Variants in LNX1 observed in about 807,000 individuals in gnomAD.
The protein encoded by LNX1 is ligand of numb-protein X 1.
A neutral mutation model predicts 68.4 loss-of-function variants in LNX1; 54 were observed. The observed-to-expected ratio is 0.79, with a 90% confidence interval of 0.63 to 0.99. The LOEUF is 0.99. Ranked by LOEUF, LNX1 falls within the 50% of genes least tolerant of loss-of-function variation. LNX1 has a pLI of 0.00. For synonymous variants in LNX1, 336 were observed against 350.0 expected (o/e 0.96, Z 0.45); for missense variants, 906 against 926.4 (o/e 0.98, Z 0.29).
chr4:53,515,694 T>G (rs1459155442), intron 2 of LNX1, among the ~76,000 whole-genome samples: 1 of 151,976 alleles, frequency 6.6e-6, no homozygotes, highest in African/African-American at 2.4e-5. Context: ...CTACAGTGGG[T>G]TTTTAATCAT....
At chr4:53,473,858 C>T (rs531961734) in intron 9 of LNX1, among the ~76,000 whole-genome samples, 2 of 152,030 alleles carry the variant, frequency 1.3e-5, no homozygotes, top group East Asian at 1.9e-4. Context: ...GAAAAGGATC[C>T]GAGAACACTA....
chr4:53,631,733 A>T (rs974908742), intron 1 of LNX1, among the ~76,000 whole-genome samples: 1 of 152,172 alleles, frequency 6.6e-6, no homozygotes, highest in Non-Finnish European at 1.5e-5. Context: ...TCTAATATGT[A>T]GGCCCAAAGT....
At chr4:53,559,032 C>T (rs1283602180) in intron 2 of LNX1, among the ~76,000 whole-genome samples, 1 of 152,170 alleles carries the variant, frequency 6.6e-6, no homozygotes, top group Non-Finnish European at 1.5e-5. Flanking sequence ...TTCCATTTTG[C>T]CAACTCAAGA....
At chr4:53,613,879 G>A (rs568284138) in intron 2 of LNX1, among the ~76,000 whole-genome samples, 14 of 152,280 alleles carry the variant, frequency 9.2e-5, no homozygotes, top group Non-Finnish European at 1.3e-4. Flanking sequence ...TTGAGCAATC[G>A]CCACACTGTC....
intron 4 of LNX1, among the ~76,000 whole-genome samples, chr4:53,506,488 T>C (rs1725877579): frequency 6.6e-6 from 1 of 152,144 alleles, no homozygotes; most frequent in Admixed American, 6.5e-5. Context: ...TTACCTGGAT[T>C]CAAAGTTTAG....
At chr4:53,472,150 T>C (rs1040669151) in intron 9 of LNX1, among the ~76,000 whole-genome samples, 2 of 152,292 alleles carry the variant, frequency 1.3e-5, no homozygotes, top group Admixed American at 6.5e-5. Flanking sequence ...TGGAATACTA[T>C]GTAGCCATAA....
intron 2 of LNX1, among the ~76,000 whole-genome samples, chr4:53,613,069 A>G (rs978741898): frequency 6.7e-6 from 1 of 149,816 alleles, no homozygotes; most frequent in Non-Finnish European, 1.5e-5. Context: ...CCATGAGTAA[A>G]AATAGGAAAG....
intron 1 of LNX1, among the ~76,000 whole-genome samples, chr4:53,632,259 T>TC (rs1734307614): frequency 1.3e-5 from 2 of 152,288 alleles, no homozygotes; most frequent in African/African-American, 4.8e-5. Flanking sequence ...GTACTTTCTC[T>TC]TCTGGGCTCC....
chr4:53,513,773 T>A (rs1177913232), intron 2 of LNX1, among the ~76,000 whole-genome samples: 2 of 152,226 alleles, frequency 1.3e-5, no homozygotes, highest in Non-Finnish European at 2.9e-5. Context: ...AGAGGAGTCT[T>A]GCTTCCATAC....
chr4:53,461,607 T>TAATC lies in LNX1; in HGVS notation c.1893-18_1893-15dup, dbSNP rs1560605285. 2.5e-6 allele frequency: 4 copies of TAATC among 1,598,722 alleles called. No individual in the cohort carries two copies. The highest frequency in any genetic ancestry group is 3.4e-5 in the Admixed American group (2 of 59,122). ...TTATACAAGCACCTGAAATAGAATG[T>TAATC]AATCAGTGTACATGCATATTTAAGT... On this transcript the variant is annotated splice_polypyrimidine_tract_variant and intron_variant, in intron 9 of 10. Coordinates refer to ENST00000263925, the MANE Select transcript of LNX1 (RefSeq NM_001126328.3).
At chr4:53,576,585 C>T (rs138328090) in intron 1 of LNX1, among the ~76,000 whole-genome samples, 1 of 152,072 alleles carries the variant, frequency 6.6e-6, no homozygotes, top group East Asian at 1.9e-4. Context: ...ACAGAGCTGA[C>T]ATTCTAGTGG....
intron 6 of LNX1, among the ~76,000 whole-genome samples, chr4:53,486,017 T>C (rs1437713401): frequency 6.6e-6 from 1 of 152,194 alleles, no homozygotes; most frequent in Non-Finnish European, 1.5e-5. Context: ...CAATGGTGGC[T>C]ACCTTAATTA....
At chr4:53,640,924 G>A (rs527400488) in intron 1 of LNX1, among the ~76,000 whole-genome samples, 4 of 152,272 alleles carry the variant, frequency 2.6e-5, no homozygotes, top group South Asian at 4.2e-4. Context: ...CAGTCTCGTC[G>A]GCAGTCCTTC....
At chr4:53,471,232 C>A (rs971071031) in intron 9 of LNX1, among the ~76,000 whole-genome samples, 6 of 151,890 alleles carry the variant, frequency 4.0e-5, no homozygotes, top group African/African-American at 7.2e-5. Flanking sequence ...CAAAAACAAG[C>A]AATGGGGAAA....
chr4:53,611,054 T>A (rs1294679650), intron 2 of LNX1, among the ~76,000 whole-genome samples: 2 of 151,614 alleles, frequency 1.3e-5, no homozygotes, highest in Non-Finnish European at 2.9e-5. Context: ...AAAAAAGAGG[T>A]AAAACTGTCT....
Position 53,459,685 on chromosome 4 carries a change from G to GTGAA in LNX1, c.*1218_*1221dup, listed in dbSNP as rs1420829562. 8 of 538,594 alleles carry GTGAA rather than the reference G, an allele frequency of 1.5e-5. No individual in the cohort carries two copies. The highest frequency in any genetic ancestry group is 2.3e-5 in the Non-Finnish European group (7 of 303,566). 33.4% of individuals were successfully genotyped at this position (538,594 alleles called of 1,614,324 possible). A position where few individuals can be genotyped will look rare whatever the true frequency, so the allele number is the denominator to read the frequency against. ...ATGACTTTATATCCAAGAAAGGAAT[G>GTGAA]TGAATGAGTCACTTAACAGGGAATC... On this transcript the variant is annotated 3_prime_UTR_variant, in exon 11 of 11. Transcript: ENST00000263925.
At chr4:53,462,919 A>G (rs1722282706) in intron 9 of LNX1, among the ~76,000 whole-genome samples, 1 of 152,186 alleles carries the variant, frequency 6.6e-6, no homozygotes, top group Non-Finnish European at 1.5e-5. Flanking sequence ...CACACTTTAC[A>G]TAACGGTTCA....
At chr4:53,479,927 G>A (rs1039837535) in intron 7 of LNX1, among the ~76,000 whole-genome samples, 3 of 152,162 alleles carry the variant, frequency 2.0e-5, no homozygotes, top group East Asian at 1.9e-4. Flanking sequence ...GCACTTAGTC[G>A]CTCTATGACT....
intron 10 of LNX1, 62 bp from the exon 11 acceptor site, chr4:53,461,104 A>G (rs371170163): frequency 1.3e-5 from 18 of 1,382,174 alleles, no homozygotes; most frequent in East Asian, 7.2e-5. Flanking sequence ...AGTTAATGCA[A>G]GTTTATCTTA....
Sources: allele counts gnomAD v4.1 joint callset (sites outside exome capture counted in the v4.1 genomes callset), GRCh38; gene constraint gnomAD v4.1.1; transcripts MANE v1.5; gene names NCBI Gene and HGNC (gene_info 2026-07-23, HGNC 2026-07-21).